KIF6: variants seen among roughly 807,000 people sequenced by gnomAD.
KIF6 encodes the protein kinesin-like protein KIF6.
A neutral mutation model predicts 112.7 loss-of-function variants in KIF6; 106 were observed. That is an observed-to-expected ratio of 0.94 (90% CI 0.80 to 1.11). The LOEUF is 1.11. Among genes scored for constraint, KIF6 ranks in the 50% least tolerant of loss-of-function variants. KIF6 has a pLI of 0.00. For synonymous variants in KIF6, 339 were observed against 339.9 expected (o/e 1.00, Z 0.03); for missense variants, 929 against 964.0 (o/e 0.96, Z 0.48).
intron 13 of KIF6, among the ~76,000 whole-genome samples, chr6:39,455,874 A>T (rs575692128): frequency 7.7e-6 from 1 of 129,824 alleles, no homozygotes; most frequent in East Asian, 2.4e-4. Flanking sequence ...ACTATGTGAA[A>T]AGACCAAATC....
At chr6:39,464,326 T>C (rs1437213638) in intron 13 of KIF6, among the ~76,000 whole-genome samples, 3 of 152,210 alleles carry the variant, frequency 2.0e-5, no homozygotes, top group African/African-American at 7.2e-5. Context: ...CATATTTATT[T>C]TGGCTGCTAA....
chr6:39,515,817 G>A (rs1777054949), intron 13 of KIF6, among the ~76,000 whole-genome samples: 1 of 152,146 alleles, frequency 6.6e-6, no homozygotes, highest in South Asian at 2.1e-4. Context: ...CCAGCAGTAG[G>A]AGAATATCTA....
intron 6 of KIF6, 76 bp downstream of exon 6, chr6:39,613,111 CTT>C: frequency 9.3e-7 from 1 of 1,079,898 alleles, no homozygotes; most frequent in East Asian, 3.1e-5. Flanking sequence ...TCTATTATAT[CTT>C]TTTTTTTTCT....
chr6:39,706,699 A>G (rs1582493500), intron 3 of KIF6, among the ~76,000 whole-genome samples: 2 of 152,362 alleles, frequency 1.3e-5, no homozygotes, highest in Admixed American at 1.3e-4. Context: ...GCAAAGTGCA[A>G]CTGTGGCCAG....
chr6:39,660,568 TC>T (rs1373398098), intron 3 of KIF6, among the ~76,000 whole-genome samples: 1 of 152,168 alleles, frequency 6.6e-6, no homozygotes, highest in Admixed American at 6.5e-5. Flanking sequence ...ACAGCAGAAA[TC>T]CTCTACCTTT....
At chr6:39,622,163 A>G (rs1433009920) in intron 5 of KIF6, among the ~76,000 whole-genome samples, 3 of 149,112 alleles carry the variant, frequency 2.0e-5, no homozygotes, top group African/African-American at 7.7e-5. Flanking sequence ...GCGAAAATCC[A>G]GCTCAAAAAA....
At chr6:39,683,681 T>C (rs565591086) in intron 3 of KIF6, among the ~76,000 whole-genome samples, 104 of 152,160 alleles carry the variant, frequency 6.8e-4, no homozygotes, top group African/African-American at 2.3e-3. Flanking sequence ...GGGCCATCAG[T>C]GTTAAGGGCT....
chr6:39,345,143 A>AAGGAC (rs2113905287), intron 21 of KIF6, among the ~76,000 whole-genome samples: 1 of 152,378 alleles, frequency 6.6e-6, no homozygotes, highest in South Asian at 2.1e-4. Context: ...AGAAGGCAGT[A>AAGGAC]AGGACGGTAT....
rs116693521 is a variant in KIF6, at chr6:39,599,841, G to A, written c.640-3581C>T. ...CCACCATAAAATGTGAGCCATAAAC[G>A]AATACTGGTAGAGTGTACCCATTTC... On this transcript the variant is annotated intron_variant, in intron 6 of 22. Transcript: ENST00000287152. 8.2e-3 allele frequency among the ~76,000 whole-genome samples: 1,245 copies of A among 152,216 alleles called. 19 individuals carry two copies. Among genetic ancestry groups the A allele is most frequent in the African/African-American group, 0.029 (1,192 of 41,538 alleles).
intron 13 of KIF6, among the ~76,000 whole-genome samples, chr6:39,491,850 A>G (rs1184147884): frequency 6.6e-6 from 1 of 152,100 alleles, no homozygotes; most frequent in Non-Finnish European, 1.5e-5. Context: ...TACCTAATGA[A>G]CTCAAAGATG....
At chr6:39,546,063 G>A (rs1295401949) in intron 10 of KIF6, among the ~76,000 whole-genome samples, 1 of 152,156 alleles carries the variant, frequency 6.6e-6, no homozygotes, top group African/African-American at 2.4e-5. Context: ...CTCCGCTTCA[G>A]CTGGCACCTC....
chr6:39,501,699 T>C (rs951243925), intron 13 of KIF6, among the ~76,000 whole-genome samples: 3 of 152,172 alleles, frequency 2.0e-5, no homozygotes, highest in Non-Finnish European at 2.9e-5. Context: ...CAAGTATTAA[T>C]AGCAGAGTAG....
chr6:39,400,743 C>CT (rs1211830073), intron 15 of KIF6, among the ~76,000 whole-genome samples: 1 of 152,198 alleles, frequency 6.6e-6, no homozygotes, highest in Non-Finnish European at 1.5e-5. Flanking sequence ...GATCTGACCC[C>CT]TTCTCCACGG....
Position 39,345,767 on chromosome 6 carries a change from G to C in KIF6, c.2254C>G (p.Leu752Val), listed in dbSNP as rs200351411. The part of the protein sequence containing the change: ...DVCDVNARKI[L>V]PSPCPSPHSQ... ...TGTGGACTGGGGCAAGGCGAGGGCA[G>C]GATTTTCCTGGCATTCACATCACTG... Residue 752 changes from leucine (L) to valine (V), a missense_variant, in exon 21 of 23, where the codon CTG becomes GTG. By Grantham distance (32) the Leu-to-Val change is conservative (BLOSUM62 1). This residue lies in a region of KIF6 where 241 missense variants were observed against 301.4 expected (regional missense o/e 0.80). Coordinates refer to ENST00000287152, the MANE Select transcript of KIF6 (RefSeq NM_145027.6). 2 of 1,613,920 alleles carry C rather than the reference G, an allele frequency of 1.2e-6. No individual in the cohort carries two copies. The highest frequency in any genetic ancestry group is 3.3e-5 in the Admixed American group (2 of 60,008).
intron 13 of KIF6, among the ~76,000 whole-genome samples, chr6:39,517,872 C>T (rs1397363669): frequency 6.6e-6 from 1 of 152,142 alleles, no homozygotes; most frequent in East Asian, 1.9e-4. Context: ...ATTATCAAAA[C>T]AATATCTTGA....
At chr6:39,465,276 C>T (rs1349794325) in intron 13 of KIF6, among the ~76,000 whole-genome samples, 4 of 152,212 alleles carry the variant, frequency 2.6e-5, no homozygotes, top group Non-Finnish European at 2.9e-5. Flanking sequence ...TGGCAAGATG[C>T]ATCTTTGGCA....
intron 5 of KIF6, among the ~76,000 whole-genome samples, chr6:39,630,247 T>C (rs1784288545): frequency 6.6e-6 from 1 of 152,090 alleles, no homozygotes; most frequent in Non-Finnish European, 1.5e-5. Context: ...TTAGATTAAA[T>C]TGATCTATAC....
intron 20 of KIF6, among the ~76,000 whole-genome samples, chr6:39,346,081 TCTCTCCC>T (rs1763720110): frequency 3.8e-4 from 9 of 23,898 alleles, no homozygotes; most frequent in East Asian, 2.8e-3. Flanking sequence ...TCTCTCTCTC[TCTCTCCC>T]CCCCCTCTCC....
intron 13 of KIF6, among the ~76,000 whole-genome samples, chr6:39,516,791 C>T (rs559395750): frequency 6.6e-6 from 1 of 152,278 alleles, no homozygotes; most frequent in Admixed American, 6.5e-5. Context: ...CATGGCAAAT[C>T]ATGGGTTGGC....
Sources: gnomAD v4.1 joint callset for allele counts (sites outside exome capture counted in the v4.1 genomes callset) on GRCh38, gnomAD v4.1.1 for gene constraint, gnomAD v4.1.1 regional missense constraint, MANE v1.5 for transcripts, NCBI Gene and HGNC (gene_info 2026-07-23, HGNC 2026-07-21) for gene names.